The following RSF1 variants were observed in gnomAD, a reference collection of about 807,000 sequenced individuals.
The protein encoded by RSF1 is HBV pX-associated protein 8.
RSF1 carries 13 observed loss-of-function variants against 145.2 expected under a neutral mutation model. That is an observed-to-expected ratio of 0.09 (90% CI 0.06 to 0.14). The LOEUF (loss-of-function observed/expected upper bound fraction) is 0.14, where lower values mean the gene tolerates loss of function less well. RSF1 is among the 10% of genes least tolerant of loss of function. The pLI is 1.00. For missense variants in RSF1, 1,517 were observed against 1,718.2 expected, an observed-to-expected ratio of 0.88 and a Z score of 2.07; for synonymous variants, 577 against 592.6, an observed-to-expected ratio of 0.97 and a Z score of 0.38.
rs374824305 is a variant in RSF1 at position 77,677,808 on chromosome 11, T to C, written c.3133+278A>G. Among the ~76,000 whole-genome samples, 14 of 152,336 alleles carry C rather than the reference T, an allele frequency of 9.2e-5. No individual in the cohort carries two copies. The South Asian group carries it at 2.7e-3, about 29-fold the overall frequency. ...ACTGAAAAGTTTCCTCAGTTTTCTA[T>C]ATGGAATCAGAAGTAAATTTTTTAA... On this transcript the variant is annotated intron_variant, in intron 12 of 15. Coordinates refer to ENST00000308488, the MANE Select transcript of RSF1 (RefSeq NM_016578.4).
chr11:77,748,761 C>T (rs1590865522), intron 2 of RSF1, among the ~76,000 whole-genome samples: 1 of 152,246 alleles, frequency 6.6e-6, no homozygotes. Flanking sequence ...CTTGGCAATT[C>T]CTAAAATGTT....
chr11:77,702,370 C>G lies in RSF1; in HGVS notation c.859G>C (p.Val287Leu). 1 of 1,611,248 alleles carries G rather than the reference C, an allele frequency of 6.2e-7. No individual in the cohort carries two copies. Among genetic ancestry groups the G allele is most frequent in the African/African-American group, 1.3e-5 (1 of 74,694 alleles). ...KKEKEDEKEL[V>L]KLPVIVKLEK... Reference sequence around the variant, plus strand: ...AGCTTCACTATGACTGGCAGTTTCACAAGTTCCTTTTCATCTTCTTTTTCT... The same window carrying G: ...AGCTTCACTATGACTGGCAGTTTCAGAAGTTCCTTTTCATCTTCTTTTTCT... The change falls in exon 6 of 16, where the codon GTG (valine) becomes CTG (leucine). Residue 287 changes from valine (V) to leucine (L), a missense_variant. Around this residue, in one of 12 missense-constraint regions of RSF1, gnomAD observed 207 missense variants for 191.4 expected, o/e 1.08. Transcript: ENST00000308488.
chr11:77,764,349 A>C, intron 2 of RSF1: 2 of 369,578 alleles, frequency 5.4e-6, no homozygotes, highest in Non-Finnish European at 9.6e-6. Context: ...AAAAGACATG[A>C]AAAGTCCTGA....
At chr11:77,833,383 T>C in the RSF1 span, among the ~76,000 whole-genome samples, 1 of 152,102 alleles carries the variant, frequency 6.6e-6, no homozygotes, top group South Asian at 2.1e-4. Context: ...GCATTAGATT[T>C]TCATAAGGGA....
intron 1 of RSF1, among the ~76,000 whole-genome samples, chr11:77,777,610 T>A (rs1309302197): frequency 6.6e-6 from 1 of 151,902 alleles, no homozygotes; most frequent in Non-Finnish European, 1.5e-5. Flanking sequence ...AATAAAAAAA[T>A]AAATAAATAA....
At chr11:77,752,173 T>C (rs1278683161) in intron 2 of RSF1, among the ~76,000 whole-genome samples, 1 of 152,126 alleles carries the variant, frequency 6.6e-6, no homozygotes, top group Non-Finnish European at 1.5e-5. Flanking sequence ...ATTTTTCTAA[T>C]AAAGAGCAGC....
chr11:77,808,479 T>C (rs1389168583), intron 1 of RSF1, among the ~76,000 whole-genome samples: 2 of 151,888 alleles, frequency 1.3e-5, no homozygotes, highest in African/African-American at 4.8e-5. Flanking sequence ...GTATGACTTG[T>C]AGTTCTTTGG....
intron 1 of RSF1, among the ~76,000 whole-genome samples, chr11:77,776,742 G>T (rs1470185173): frequency 6.6e-6 from 1 of 152,122 alleles, no homozygotes; most frequent in Non-Finnish European, 1.5e-5. Context: ...TAGAGTATCT[G>T]AATAAAATGT....
intron 1 of RSF1, among the ~76,000 whole-genome samples, chr11:77,769,796 A>G (rs1948263643): frequency 6.6e-6 from 1 of 152,256 alleles, no homozygotes; most frequent in South Asian, 2.1e-4. Flanking sequence ...ACGGCTAAAC[A>G]CATTAATTCT....
At chr11:77,836,778 C>A in the RSF1 span, among the ~76,000 whole-genome samples, 2 of 152,168 alleles carry the variant, frequency 1.3e-5, no homozygotes, top group African/African-American at 4.8e-5. Flanking sequence ...CCAGCCTGAA[C>A]AACATGGAGA....
At chr11:77,729,778 C>T (rs1961151718) in intron 4 of RSF1, among the ~76,000 whole-genome samples, 1 of 150,748 alleles carries the variant, frequency 6.6e-6, no homozygotes. Flanking sequence ...TTCACATCTA[C>T]AGAGCATAAA....
chr11:77,825,661 A>C (rs528577821), upstream of RSF1, among the ~76,000 whole-genome samples: 1 of 152,084 alleles, frequency 6.6e-6, no homozygotes, highest in Admixed American at 6.5e-5. Context: ...TCATTGAAGA[A>C]GACACCTTTA....
Position 77,720,261 on chromosome 11 carries a change from C to T in RSF1, c.733+5284G>A, listed in dbSNP as rs554692281. On this transcript the variant is annotated intron_variant, in intron 5 of 15. Coordinates refer to ENST00000308488, the MANE Select transcript of RSF1 (RefSeq NM_016578.4). ...ATCTGATCACCTGTAGGCAGAAGTG[C>T]ATGACTGTAAAAATTTAAAAAAGGA... Among the ~76,000 whole-genome samples, 214 of 152,274 alleles carry T rather than the reference C, an allele frequency of 1.4e-3. 1 individual carries two copies. The highest frequency in any genetic ancestry group is 4.9e-3 in the African/African-American group (204 of 41,554).
chr11:77,800,036 G>A (rs1020870198), intron 1 of RSF1, among the ~76,000 whole-genome samples: 3 of 152,142 alleles, frequency 2.0e-5, no homozygotes, highest in Admixed American at 1.3e-4. Context: ...CTGCAGCTAC[G>A]TGGGAGGCTA....
rs1230078432 is a variant in RSF1, at chr11:77,680,524, A to G, written c.3066-2371T>C. 2.0e-5 allele frequency among the ~76,000 whole-genome samples: 3 copies of G among 152,268 alleles called. No individual in the cohort carries two copies. The East Asian group carries it at 5.8e-4, about 29-fold the overall frequency. On this transcript the variant is annotated intron_variant, in intron 11 of 15. Coordinates refer to ENST00000308488, the MANE Select transcript of RSF1 (RefSeq NM_016578.4). The stretch of plus-strand genomic sequence containing the variant: ...CAACTATTTGGGAGGCTGAGGCAGT[A>G]GGATGGCTTGAGCCCAGGAGTTGGG...
At chr11:77,734,999 G>A (rs1021629145) in intron 4 of RSF1, 150 of 1,593,758 alleles carry the variant, frequency 9.4e-5, no homozygotes, top group African/African-American at 6.8e-4. Flanking sequence ...TAGTTCTGGC[G>A]CACCTGTGAG....
At chr11:77,769,804 T>TAAA (rs1156697223) in intron 1 of RSF1, among the ~76,000 whole-genome samples, 1 of 152,254 alleles carries the variant, frequency 6.6e-6, no homozygotes, top group Non-Finnish European at 1.5e-5. Flanking sequence ...ACACATTAAT[T>TAAA]CTTATTCTTC....
intron 1 of RSF1, among the ~76,000 whole-genome samples, chr11:77,767,613 A>G (rs1416395710): frequency 3.9e-5 from 6 of 152,254 alleles, no homozygotes; most frequent in Admixed American, 2.6e-4. Flanking sequence ...GGCTTTATTA[A>G]AGAGTTATTT....
At chr11:77,712,627 C>G (rs1176328872) in intron 5 of RSF1, among the ~76,000 whole-genome samples, 1 of 152,220 alleles carries the variant, frequency 6.6e-6, no homozygotes, top group Non-Finnish European at 1.5e-5. Flanking sequence ...ATTTTAGTAT[C>G]TATCAGGGAT....
Sources: allele counts gnomAD v4.1 joint callset (sites outside exome capture counted in the v4.1 genomes callset), GRCh38; gene constraint gnomAD v4.1.1; regional missense constraint gnomAD v4.1.1; transcripts MANE v1.5; gene names NCBI Gene and HGNC (gene_info 2026-07-23, HGNC 2026-07-21).